Variants in CSMD1 observed in about 807,000 individuals in gnomAD.
CSMD1 encodes CUB and Sushi multiple domains 1.
In CSMD1, 213 loss-of-function variants were observed where a neutral mutation model predicts 417.5. The observed-to-expected ratio is 0.51, with a 90% confidence interval of 0.46 to 0.57. The LOEUF (loss-of-function observed/expected upper bound fraction) is 0.57. Among genes scored for constraint, CSMD1 ranks in the 20% least tolerant of loss-of-function variants. The pLI, the probability that CSMD1 is intolerant of heterozygous loss-of-function variation, is 0.00. For missense variants in CSMD1, 6,923 were observed against 4,529.7 expected, an observed-to-expected ratio of 1.53 and a Z score of -15.17; for synonymous variants, 2,862 against 1,736.8, an observed-to-expected ratio of 1.65 and a Z score of -16.11.
chr8:4,680,930 C>A lies in CSMD1; in HGVS notation c.86-43372G>T, dbSNP rs150516283. 2.6e-3 allele frequency among the ~76,000 whole-genome samples: 381 copies of A among 145,096 alleles called. 5 individuals carry two copies. The highest frequency in any genetic ancestry group is 9.4e-3 in the African/African-American group (368 of 39,166). On this transcript the variant is annotated intron_variant, in intron 1 of 69. Coordinates refer to ENST00000635120, the MANE Select transcript of CSMD1 (RefSeq NM_033225.6). ...ATAAGCACACACACACACACACAAA[C>A]CCCTAATCTATCTATATTGATGTGT... is the stretch of plus-strand genomic sequence containing the variant.
intron 7 of CSMD1, among the ~76,000 whole-genome samples, chr8:3,637,720 A>T (rs1466618534): frequency 6.6e-6 from 1 of 152,166 alleles, no homozygotes; most frequent in Non-Finnish European, 1.5e-5. Flanking sequence ...TTAAGTAGGG[A>T]TATGGTTTGG....
Position 3,319,030 on chromosome 8 carries a change from C to T in CSMD1, c.3632-10527G>A, listed in dbSNP as rs563705884. On this transcript the variant is annotated intron_variant, in intron 23 of 69. Coordinates refer to ENST00000635120, the MANE Select transcript of CSMD1 (RefSeq NM_033225.6). The stretch of plus-strand genomic sequence containing the variant: ...GATTCAGCCATTCCTATGGATCACT[C>T]CCTTACACAGAATGGAATTTGATTA... 1.6e-4 allele frequency among the ~76,000 whole-genome samples: 24 copies of T among 152,308 alleles called. No homozygotes were observed. In the South Asian group the frequency reaches 5.0e-3, roughly 32 times the overall value.
At chr8:4,220,749 A>T (rs1438245638) in intron 3 of CSMD1, among the ~76,000 whole-genome samples, 2 of 152,194 alleles carry the variant, frequency 1.3e-5, no homozygotes, top group African/African-American at 4.8e-5. Context: ...AAAGACAGAG[A>T]AACAGGGTGG....
chr8:4,402,570 G>A (rs149431638), intron 3 of CSMD1, among the ~76,000 whole-genome samples: 4 of 152,078 alleles, frequency 2.6e-5, no homozygotes, highest in African/African-American at 9.7e-5. Flanking sequence ...CTCTTGAAGG[G>A]AGACTTTTAT....
Position 3,483,963 on chromosome 8 carries a change from T to C in CSMD1, c.1448+9660A>G, listed in dbSNP as rs181069040. 2.9e-3 allele frequency among the ~76,000 whole-genome samples: 438 copies of C among 152,344 alleles called. 1 individual carries two copies. The highest frequency in any genetic ancestry group is 7.5e-3 in the Admixed American group (115 of 15,302). On this transcript the variant is annotated intron_variant, in intron 11 of 69. Transcript: ENST00000635120. ...CACATAGTGTTCATGAGCTGAAAGA[T>C]TTAACATAGTAAATATGTCAATTTT...
rs571511698 is a variant in CSMD1, at chr8:3,287,463, C to A, written c.3951-3117G>T. 1.9e-3 allele frequency among the ~76,000 whole-genome samples: 286 copies of A among 152,160 alleles called. 1 individual carries two copies. The highest frequency in any genetic ancestry group is 6.7e-3 in the African/African-American group (278 of 41,500). On this transcript the variant is annotated intron_variant, in intron 25 of 69. Coordinates refer to ENST00000635120, the MANE Select transcript of CSMD1 (RefSeq NM_033225.6). ...GGAATGTTCTTCCATTTGTTTGTAT[C>A]CTCTTTTATTTCCTTGAGCAGTGGT...
chr8:4,102,321 T>C (rs1801346510), intron 3 of CSMD1, among the ~76,000 whole-genome samples: 1 of 152,234 alleles, frequency 6.6e-6, no homozygotes, highest in African/African-American at 2.4e-5. Context: ...TCTATTAATT[T>C]TAAACAAATA....
chr8:4,438,938 T>G (rs530023132), intron 2 of CSMD1, among the ~76,000 whole-genome samples: 1 of 152,360 alleles, frequency 6.6e-6, no homozygotes, highest in African/African-American at 2.4e-5. Context: ...TGGTGTAGGA[T>G]TCCGTAAATG....
chr8:3,132,422 A>C (rs561428065), intron 41 of CSMD1, among the ~76,000 whole-genome samples: 1 of 152,300 alleles, frequency 6.6e-6, no homozygotes, highest in African/African-American at 2.4e-5. Context: ...AAGTTATAAA[A>C]TACTACAATA....
intron 12 of CSMD1, among the ~76,000 whole-genome samples, chr8:3,468,235 T>C (rs377305183): frequency 6.6e-6 from 1 of 152,234 alleles, no homozygotes; most frequent in Admixed American, 6.5e-5. Flanking sequence ...CTATCAGTTT[T>C]CTATAACTTG....
chr8:4,108,097 A>C (rs1305053135), intron 3 of CSMD1, among the ~76,000 whole-genome samples: 3 of 151,678 alleles, frequency 2.0e-5, no homozygotes, highest in Admixed American at 6.6e-5. Flanking sequence ...GAGAGAGAAC[A>C]AGAAAAAGAC....
chr8:3,423,261 C>G (rs1813610900), intron 12 of CSMD1, among the ~76,000 whole-genome samples: 1 of 152,042 alleles, frequency 6.6e-6, no homozygotes, highest in African/African-American at 2.4e-5. Context: ...GTCATGTATC[C>G]AACACCAAAA....
chr8:3,152,936 G>GTGTATA (rs917942799), intron 39 of CSMD1, among the ~76,000 whole-genome samples: 1 of 152,212 alleles, frequency 6.6e-6, no homozygotes, highest in Non-Finnish European at 1.5e-5. Context: ...GACAGTAGAT[G>GTGTATA]TGTATATCCA....
intron 3 of CSMD1, among the ~76,000 whole-genome samples, chr8:4,089,672 G>A (rs759626894): frequency 6.6e-6 from 1 of 152,164 alleles, no homozygotes. Context: ...GCTTAGTAAA[G>A]TGCTTAACAT....
intron 1 of CSMD1, among the ~76,000 whole-genome samples, chr8:4,956,136 T>C (rs1809093379): frequency 2.6e-5 from 4 of 152,184 alleles, no homozygotes; most frequent in Admixed American, 2.0e-4. Context: ...TCGCTCATAA[T>C]GGATGACAGA....
chr8:4,380,782 T>G, intron 3 of CSMD1, among the ~76,000 whole-genome samples: 1 of 149,490 alleles, frequency 6.7e-6, no homozygotes, highest in East Asian at 2.0e-4. Context: ...ACAAAAAGTA[T>G]ATTTAAAAAA....
chr8:3,721,177 T>C (rs1373773581), intron 6 of CSMD1, among the ~76,000 whole-genome samples: 1 of 152,184 alleles, frequency 6.6e-6, no homozygotes, highest in Non-Finnish European at 1.5e-5. Flanking sequence ...ACCATTTTTT[T>C]TTCTCCAGCC....
chr8:3,677,519 T>G (rs1349219310), intron 7 of CSMD1, among the ~76,000 whole-genome samples: 1 of 152,152 alleles, frequency 6.6e-6, no homozygotes, highest in Non-Finnish European at 1.5e-5. Flanking sequence ...AATGCCCAGG[T>G]GTCCCCAGGG....
intron 7 of CSMD1, among the ~76,000 whole-genome samples, chr8:3,705,419 C>G (rs1352389789): frequency 6.6e-6 from 1 of 152,186 alleles, no homozygotes; most frequent in African/African-American, 2.4e-5. Context: ...CCCTGTCTGG[C>G]TTTGGTGAAG....
Sources: gnomAD v4.1 joint callset for allele counts (sites outside exome capture counted in the v4.1 genomes callset) on GRCh38, gnomAD v4.1.1 for gene constraint, MANE v1.5 for transcripts, NCBI Gene and HGNC (gene_info 2026-07-23, HGNC 2026-07-21) for gene names.